CSF1R: variants seen among roughly 807,000 people sequenced by gnomAD.
CSF1R encodes the protein macrophage colony-stimulating factor 1 receptor.
A neutral mutation model predicts 110.0 loss-of-function variants in CSF1R; 40 were observed. The observed-to-expected ratio is 0.36, with a 90% CI of 0.28 to 0.47. The LOEUF is 0.47. CSF1R is among the 20% of genes least tolerant of loss of function. The pLI is 0.99. For missense variants in CSF1R, 1,052 were observed against 1,253.0 expected (o/e 0.84, Z 2.42); for synonymous variants, 523 against 503.4 (o/e 1.04, Z -0.52).
At chr5:150,062,501 G>A (rs1757576805) in intron 10 of CSF1R, among the ~76,000 whole-genome samples, 1 of 122,218 alleles carries the variant, frequency 8.2e-6, no homozygotes, top group Non-Finnish European at 1.8e-5. Flanking sequence ...CTGCACCTCA[G>A]TGGACTCACA....
rs978252202 is a variant in CSF1R, at chr5:150,073,568, C to G, written c.890-75G>C. On this transcript the variant is annotated intron_variant, in intron 5 of 20. Transcript: ENST00000675795. Reference sequence around the variant, plus strand: ...GTTTATTTGTCCATTTTGTCATCCACCCATTGATCCAGTCCCTGAGCAGCT... The same window carrying G: ...GTTTATTTGTCCATTTTGTCATCCAGCCATTGATCCAGTCCCTGAGCAGCT... 45 of 1,480,806 alleles carry G rather than the reference C, an allele frequency of 3.0e-5. 1 individual carries two copies. The Admixed American group carries it at 8.0e-4, about 26-fold the overall frequency. The allele number at this position is 1,480,806 out of a possible 1,614,324, so 91.7% of individuals were successfully genotyped here. A position where few individuals can be genotyped will look rare whatever the true frequency, so the allele number is the denominator to read the frequency against.
At chr5:150,059,937 G>C in intron 13 of CSF1R, 75 bp from the exon 14 acceptor site, 3 of 1,510,546 alleles carry the variant, frequency 2.0e-6, no homozygotes, top group Admixed American at 1.9e-5. Flanking sequence ...GAGACTGGGG[G>C]CAGTGAGGCC....
intron 2 of CSF1R, 123 bp from the exon 3 acceptor site, chr5:150,080,459 G>A: frequency 7.7e-7 from 1 of 1,304,194 alleles, no homozygotes; most frequent in Non-Finnish European, 1.0e-6. Flanking sequence ...CACCACGCCA[G>A]GACAGTTCAG....
chr5:150,102,678 C>G (rs964018389), intron 1 of CSF1R, among the ~76,000 whole-genome samples: 1 of 152,180 alleles, frequency 6.6e-6, no homozygotes, highest in African/African-American at 2.4e-5. Flanking sequence ...TGGGGTTTCA[C>G]CATGTTGACC....
chr5:150,074,381 C>A (rs1181844954), intron 5 of CSF1R, among the ~76,000 whole-genome samples: 1 of 145,038 alleles, frequency 6.9e-6, no homozygotes, highest in African/African-American at 2.6e-5. Context: ...AGTCTCTGCT[C>A]ACTGCAACCT....
chr5:150,062,646 A>T (rs1757584615), intron 10 of CSF1R, among the ~76,000 whole-genome samples: 1 of 152,228 alleles, frequency 6.6e-6, no homozygotes, highest in South Asian at 2.1e-4. Flanking sequence ...ACTTTCTTGA[A>T]CATCTATTTG....
At chr5:150,105,366 AT>A in intron 1 of CSF1R, among the ~76,000 whole-genome samples, 1 of 86,694 alleles carries the variant, frequency 1.2e-5, no homozygotes, top group South Asian at 4.0e-4. Context: ...AAAAAAAAAT[AT>A]ATATATATAT....
intron 1 of CSF1R, among the ~76,000 whole-genome samples, chr5:150,093,566 C>A (rs983576881): frequency 2.6e-5 from 4 of 151,788 alleles, no homozygotes; most frequent in Non-Finnish European, 5.9e-5. Flanking sequence ...CATACTCAAT[C>A]CAAAGGAAGA....
chr5:150,084,048 T>G (rs997439633), intron 1 of CSF1R, among the ~76,000 whole-genome samples: 4 of 152,082 alleles, frequency 2.6e-5, no homozygotes, highest in Non-Finnish European at 5.9e-5. Context: ...ACTTCTAAAT[T>G]GATTGAAGCC....
chr5:150,056,411 G>A, intron 16 of CSF1R, 70 bp from the exon 17 acceptor site: 2 of 1,587,734 alleles, frequency 1.3e-6, no homozygotes, highest in Non-Finnish European at 1.7e-6. Flanking sequence ...GAGGATGGCA[G>A]GGAGGGCCCC....
chr5:150,109,046 A>G (rs1241016500), intron 1 of CSF1R, among the ~76,000 whole-genome samples: 1 of 107,408 alleles, frequency 9.3e-6, no homozygotes, highest in African/African-American at 3.6e-5. Flanking sequence ...ACCCCATCCC[A>G]AGGAGAAGCC....
At chr5:150,080,485 G>C (rs980445667) in intron 2 of CSF1R, 149 bp from the exon 3 acceptor site, 2 of 1,150,744 alleles carry the variant, frequency 1.7e-6, no homozygotes, top group Admixed American at 5.3e-5. Context: ...GCTTCAGCGT[G>C]GTGGCTCCAG....
intron 5 of CSF1R, among the ~76,000 whole-genome samples, chr5:150,074,307 T>G: frequency 7.2e-6 from 1 of 138,296 alleles, no homozygotes. Context: ...CCTGACTAGT[T>G]TTTTTTTTTT....
intron 5 of CSF1R, 75 bp downstream of exon 5, chr5:150,077,201 C>T (rs755358555): frequency 6.3e-7 from 1 of 1,581,922 alleles, no homozygotes; most frequent in Non-Finnish European, 8.7e-7. Context: ...CTGACATCAG[C>T]TTCCTCCTCA....
In CSF1R at chr5:150,086,498, A is replaced by C; in HGVS notation, c.-71T>G. 1 of 1,470,118 alleles carries C rather than the reference A, an allele frequency of 6.8e-7. No homozygotes were observed. The highest frequency in any genetic ancestry group is 9.4e-7 in the Non-Finnish European group (1 of 1,065,444). 91.1% of individuals were successfully genotyped at this position (1,470,118 alleles called of 1,614,324 possible). Reference sequence around the variant, plus strand: ...CCAGGGCACAGAGCTCTCAGCTACTAGCTCCGCAGGGATCGGGACACTGGA... The same window carrying C: ...CCAGGGCACAGAGCTCTCAGCTACTCGCTCCGCAGGGATCGGGACACTGGA... On this transcript the variant is annotated 5_prime_UTR_variant, in exon 1 of 21. Transcript: ENST00000675795.
Position 150,111,276 on chromosome 5 carries a change from G to A in CSF1R, c.-181+1985C>T, listed in dbSNP as rs185120705. On this transcript the variant is annotated intron_variant, in intron 1 of 21. Transcript: ENST00000286301. The stretch of plus-strand genomic sequence containing the variant: ...TTTTCCAGGAACAAGAACCCCGGCC[G>A]TGAGTGGGGTGGCGGAAGAATTGTG... Among the ~76,000 whole-genome samples the A allele has an allele frequency of 5.5e-4, 84 of 152,230 alleles. 2 individuals are homozygous for A. The highest frequency in any genetic ancestry group is 1.4e-3 in the African/African-American group (60 of 41,518).
intron 10 of CSF1R, 72 bp from the exon 11 acceptor site, chr5:150,061,921 A>G: frequency 6.2e-7 from 1 of 1,604,532 alleles, no homozygotes; most frequent in Non-Finnish European, 8.5e-7. Context: ...TCTGACCCCC[A>G]AGAGCAGGGG....
At position 150,054,413 on chromosome 5, in the gene CSF1R, G is replaced by C. The variant is rs1432908196; in HGVS notation, c.2672C>G (p.Ala891Gly). 1.2e-6 allele frequency: 2 copies of C among 1,613,268 alleles called. No individual in the cohort carries two copies. Among genetic ancestry groups the C allele is most frequent in the Non-Finnish European group, 1.7e-6 (2 of 1,179,616 alleles). ...APKNIYSIMQ[A>G]CWALEPTHRP... ...GTGGGTGGGCTCCAAGGCCCAGCAG[G>C]CCTGCATGATGCTGTATCTGGGAGA... is the stretch of plus-strand genomic sequence containing the variant. Residue 891 changes from alanine (A) to glycine (G), a missense_variant, in exon 20 of 21, where the codon GCC becomes GGC. By Grantham distance (60) the Ala-to-Gly change is moderately conservative (BLOSUM62 0). Coordinates refer to ENST00000675795, the MANE Select transcript of CSF1R (RefSeq NM_001288705.3).
At chr5:150,098,305 C>T (rs1211218651) in intron 1 of CSF1R, 2 of 151,972 alleles carry the variant, frequency 1.3e-5, no homozygotes, top group East Asian at 1.9e-4. Context: ...ACAACTATTA[C>T]AAGAAATAGA....
Sources: allele counts gnomAD v4.1 joint callset (sites outside exome capture counted in the v4.1 genomes callset), GRCh38; gene constraint gnomAD v4.1.1; transcripts MANE v1.5; gene names NCBI Gene and HGNC (gene_info 2026-07-23, HGNC 2026-07-21).